Variants in TENM3 observed in about 807,000 individuals in gnomAD.
The protein encoded by TENM3 is teneurin-3.
TENM3 carries 63 observed loss-of-function variants against 255.1 expected under a neutral mutation model. That is an observed-to-expected ratio of 0.25 (90% CI 0.20 to 0.30). The LOEUF is 0.30. Among genes scored for constraint, TENM3 ranks in the 10% least tolerant of loss-of-function variants. The pLI is 1.00. For synonymous variants in TENM3, 1,306 were observed against 1,322.3 expected (o/e 0.99, Z 0.27); for missense variants, 2,929 against 3,461.1 (o/e 0.85, Z 3.86).
At chr4:182,605,069 C>T (rs531141783) in intron 4 of TENM3, among the ~76,000 whole-genome samples, 2 of 152,220 alleles carry the variant, frequency 1.3e-5, no homozygotes, top group African/African-American at 2.4e-5. Flanking sequence ...ATACACACAC[C>T]GGGTCTGAGT....
chr4:182,046,302 C>G, the TENM3 span, among the ~76,000 whole-genome samples: 1 of 151,980 alleles, frequency 6.6e-6, no homozygotes. Context: ...CTTTTTATAT[C>G]TCAGTTTCTT....
the TENM3 span, among the ~76,000 whole-genome samples, chr4:182,051,036 T>C: frequency 2.6e-5 from 4 of 151,942 alleles, no homozygotes; most frequent in East Asian, 2.0e-4. Context: ...TCAAGACTCC[T>C]TGGGCCAGAG....
rs1217553387 is a variant in TENM3, at chr4:182,635,082, A to G, written c.988+6193A>G. Among the ~76,000 whole-genome samples, 3 of 152,248 alleles carry G rather than the reference A, an allele frequency of 2.0e-5. No homozygotes were observed. In the East Asian group the frequency reaches 5.8e-4, roughly 29 times the overall value. ...AGCATCTCTGTGCACTGCTAGGCAG[A>G]GTCAGAGAATTTCTCCATGTACAGT... On this transcript the variant is annotated intron_variant, in intron 5 of 27. Transcript: ENST00000511685.
chr4:182,335,221 G>A (rs914446303), intron 2 of TENM3, among the ~76,000 whole-genome samples: 3 of 151,020 alleles, frequency 2.0e-5, no homozygotes, highest in Admixed American at 6.6e-5. Flanking sequence ...CAAAGCGGCC[G>A]GGCGCGGTGG....
chr4:182,295,564 G>A (rs958971510), intron 1 of TENM3, among the ~76,000 whole-genome samples: 4 of 151,726 alleles, frequency 2.6e-5, no homozygotes, highest in African/African-American at 7.3e-5. Flanking sequence ...CCACTGTGCC[G>A]GATGGTATAT....
At chr4:182,405,691 A>G (rs1769519285) in intron 3 of TENM3, among the ~76,000 whole-genome samples, 1 of 152,150 alleles carries the variant, frequency 6.6e-6, no homozygotes, top group African/African-American at 2.4e-5. Context: ...TTCCCAGGAG[A>G]GCAGTGCAGG....
intron 3 of TENM3, among the ~76,000 whole-genome samples, chr4:182,553,579 ATAAACT>A (rs1272953582): frequency 2.6e-5 from 4 of 152,136 alleles, no homozygotes; most frequent in Non-Finnish European, 4.4e-5. Context: ...TTTACTAGAG[ATAAACT>A]TAAGAGCATA....
chr4:181,807,997 A>T, the TENM3 span, among the ~76,000 whole-genome samples: 2 of 152,194 alleles, frequency 1.3e-5, no homozygotes, highest in African/African-American at 4.8e-5. Flanking sequence ...AACAGTTTCA[A>T]TCTAGGTGTA....
chr4:181,975,768 G>A, the TENM3 span: 1 of 152,286 alleles, frequency 6.6e-6, no homozygotes, highest in Non-Finnish European at 1.5e-5. Context: ...GAACCAACAA[G>A]AAAGGCTAAA....
At chr4:182,372,878 G>A (rs1766934489) in intron 3 of TENM3, among the ~76,000 whole-genome samples, 1 of 152,106 alleles carries the variant, frequency 6.6e-6, no homozygotes, top group Admixed American at 6.6e-5. Context: ...ATAGGCACGT[G>A]CCACCACACC....
chr4:182,167,976 A>G (rs1467732448), intron 1 of TENM3, among the ~76,000 whole-genome samples: 1 of 152,232 alleles, frequency 6.6e-6, no homozygotes, highest in Non-Finnish European at 1.5e-5. Flanking sequence ...GGATATTATT[A>G]TAACGATATT....
the TENM3 span, among the ~76,000 whole-genome samples, chr4:181,596,140 C>T: frequency 6.6e-6 from 1 of 152,046 alleles, no homozygotes; most frequent in Non-Finnish European, 1.5e-5. Context: ...CTTAATAAAA[C>T]CAAATTATAA....
At chr4:181,650,430 C>T in the TENM3 span, among the ~76,000 whole-genome samples, 1 of 152,116 alleles carries the variant, frequency 6.6e-6, no homozygotes, top group Non-Finnish European at 1.5e-5. Flanking sequence ...CTTGTTAGAC[C>T]TTTTCCACTT....
chr4:181,797,754 C>T, the TENM3 span, among the ~76,000 whole-genome samples: 380 of 152,318 alleles, frequency 2.5e-3, no homozygotes, highest in Admixed American at 4.0e-3. Flanking sequence ...GATGAAAATA[C>T]GTTCTGTTAT....
At chr4:181,542,723 AATTC>A in the TENM3 span, among the ~76,000 whole-genome samples, 11 of 152,222 alleles carry the variant, frequency 7.2e-5, no homozygotes, top group African/African-American at 2.7e-4. Flanking sequence ...ACAGCAGAAG[AATTC>A]ATTCATTTAA....
the TENM3 span, among the ~76,000 whole-genome samples, chr4:181,671,114 T>C: frequency 1.3e-5 from 2 of 152,130 alleles, no homozygotes; most frequent in Non-Finnish European, 2.9e-5. Context: ...CGGTTAGAAT[T>C]AGAAAGTGAT....
At chr4:182,082,770 A>G in the TENM3 span, among the ~76,000 whole-genome samples, 5 of 152,228 alleles carry the variant, frequency 3.3e-5, no homozygotes, top group Non-Finnish European at 5.9e-5. Flanking sequence ...CTACGAGCCT[A>G]GTGTTTCAAG....
rs1355697157 is a variant in TENM3 at position 182,688,321 on chromosome 4, C to G, written c.2191C>G (p.Gln731Glu). 13 of 1,613,568 alleles carry G rather than the reference C, an allele frequency of 8.1e-6. No homozygotes were observed. Among genetic ancestry groups the G allele is most frequent in the Non-Finnish European group, 1.1e-5 (13 of 1,179,684 alleles). The change falls in exon 12 of 28, where the codon CAG becomes GAG. Residue 731 changes from glutamine (Q) to glutamate (E), a missense_variant. By Grantham distance (29) the Gln-to-Glu change is conservative. This residue lies in a region of TENM3 where 1,608 missense variants were observed against 1,884.4 expected (regional missense o/e 0.85). Coordinates refer to ENST00000511685, the MANE Select transcript of TENM3 (RefSeq NM_001080477.4). ...CAAGGATGGCAAGTGTGAATGCAGC[C>G]AGGGCTGGAATGGAGAGCACTGCAC... ...TCKDGKCECS[Q>E]GWNGEHCTIE... is the part of the protein sequence containing the mutation.
intron 3 of TENM3, among the ~76,000 whole-genome samples, chr4:182,366,131 T>C (rs1279271048): frequency 6.6e-6 from 1 of 152,166 alleles, no homozygotes; most frequent in East Asian, 1.9e-4. Context: ...TTTTTATATA[T>C]TATGAATCTT....
Sources: allele counts gnomAD v4.1 joint callset (sites outside exome capture counted in the v4.1 genomes callset), GRCh38; gene constraint gnomAD v4.1.1; regional missense constraint gnomAD v4.1.1; transcripts MANE v1.5; gene names NCBI Gene and HGNC (gene_info 2026-07-23, HGNC 2026-07-21).